The following ABCA12 variants were observed in gnomAD, a reference collection of about 807,000 sequenced individuals.
ABCA12 encodes the protein glucosylceramide transporter ABCA12.
In ABCA12, 156 loss-of-function variants were observed where a neutral mutation model predicts 293.5. The ratio of observed to expected loss-of-function variants is 0.53; its 90% CI spans 0.47 to 0.61. ABCA12 has a LOEUF of 0.61. Among genes scored for constraint, ABCA12 ranks in the 20% least tolerant of loss-of-function variants. The probability of loss-of-function intolerance (pLI) is 0.00; values close to 1 mark genes in which losing one functional copy is unlikely to be tolerated. For synonymous variants in ABCA12, 1,063 were observed against 1,108.0 expected (o/e 0.96, Z 0.81); for missense variants, 2,797 against 3,090.2 (o/e 0.91, Z 2.25).
At chr2:214,957,271 A>T (rs1189895087) in intron 41 of ABCA12, among the ~76,000 whole-genome samples, 3 of 152,210 alleles carry the variant, frequency 2.0e-5, no homozygotes, top group Non-Finnish European at 4.4e-5. Context: ...CGAACAAAGA[A>T]CTTAGCATTT....
chr2:215,030,163 T>C (rs2049354), intron 9 of ABCA12: 151,854 of 152,340 alleles, frequency 1, 75,688 homozygotes, highest in East Asian at 1. Flanking sequence ...GTCTGTGGCG[T>C]TGACATTATC....
chr2:215,040,882 A>T (rs1176453716), intron 7 of ABCA12, among the ~76,000 whole-genome samples: 3 of 152,172 alleles, frequency 2.0e-5, no homozygotes, highest in Non-Finnish European at 4.4e-5. Context: ...CTTCTACAAA[A>T]AAAAGGGGGG....
At chr2:215,081,489 AAAAGAAAAAG>A (rs1701937108) in intron 2 of ABCA12, among the ~76,000 whole-genome samples, 1 of 98,818 alleles carries the variant, frequency 1.0e-5, no homozygotes, top group African/African-American at 4.8e-5. Flanking sequence ...AAAAAAAAAA[AAAAGAAAAAG>A]AAAAAAGAAA....
At chr2:215,056,766 A>G (rs1369345793) in intron 3 of ABCA12, among the ~76,000 whole-genome samples, 1 of 152,048 alleles carries the variant, frequency 6.6e-6, no homozygotes, top group African/African-American at 2.4e-5. Flanking sequence ...TTTCCCCCCA[A>G]ACAAAGGTAA....
chr2:214,951,763 G>T (rs1256536085), intron 44 of ABCA12, among the ~76,000 whole-genome samples: 1 of 151,986 alleles, frequency 6.6e-6, no homozygotes, highest in Non-Finnish European at 1.5e-5. Flanking sequence ...TCTCAAAAAA[G>T]AATGTTTTTT....
chr2:215,065,400 G>A (rs930944516), intron 2 of ABCA12, among the ~76,000 whole-genome samples: 23 of 149,766 alleles, frequency 1.5e-4, no homozygotes, highest in African/African-American at 5.6e-4. Flanking sequence ...GAGAAAGAGA[G>A]AATGGTAAGA....
At chr2:215,028,715 G>T (rs1031891103) in intron 9 of ABCA12, among the ~76,000 whole-genome samples, 7 of 152,130 alleles carry the variant, frequency 4.6e-5, no homozygotes, top group African/African-American at 7.2e-5. Flanking sequence ...AGTGTGACAG[G>T]TGACAAAACT....
chr2:214,977,040 A>C (rs967920616), intron 33 of ABCA12, among the ~76,000 whole-genome samples: 2 of 152,256 alleles, frequency 1.3e-5, no homozygotes, highest in Non-Finnish European at 2.9e-5. Flanking sequence ...TGCTTAATTT[A>C]AAATGAATTC....
At chr2:215,009,601 G>C (rs1033822306) in intron 18 of ABCA12, among the ~76,000 whole-genome samples, 3 of 152,056 alleles carry the variant, frequency 2.0e-5, no homozygotes, top group African/African-American at 4.8e-5. Flanking sequence ...TATAAAAATG[G>C]ACAGAGATTA....
intron 14 of ABCA12, among the ~76,000 whole-genome samples, chr2:215,016,804 G>A (rs914170284): frequency 1.3e-5 from 2 of 151,888 alleles, no homozygotes; most frequent in African/African-American, 2.4e-5. Flanking sequence ...TAGATAGTGA[G>A]GTATGATTAC....
intron 2 of ABCA12, among the ~76,000 whole-genome samples, chr2:215,096,117 T>C (rs1702245522): frequency 6.6e-6 from 1 of 152,244 alleles, no homozygotes; most frequent in African/African-American, 2.4e-5. Context: ...GCAAGTTACC[T>C]ACTCATAGTA....
At chr2:215,094,477 T>C (rs1702210124) in intron 2 of ABCA12, among the ~76,000 whole-genome samples, 1 of 152,172 alleles carries the variant, frequency 6.6e-6, no homozygotes, top group Non-Finnish European at 1.5e-5. Flanking sequence ...TCAAGGCAAA[T>C]GGTTCTTAGA....
At chr2:215,064,999 G>A (rs1233938645) in intron 2 of ABCA12, among the ~76,000 whole-genome samples, 1 of 151,694 alleles carries the variant, frequency 6.6e-6, no homozygotes, top group Non-Finnish European at 1.5e-5. Context: ...AAAACCAATA[G>A]TGAATGGTAT....
intron 50 of ABCA12, among the ~76,000 whole-genome samples, chr2:214,942,111 G>T (rs1698425604): frequency 6.6e-6 from 1 of 152,056 alleles, no homozygotes; most frequent in East Asian, 1.9e-4. Flanking sequence ...AAGTAAGCAA[G>T]GTCTTGATAA....
intron 1 of ABCA12, 73 bp downstream of exon 1, chr2:215,138,067 A>C: frequency 3.5e-6 from 5 of 1,441,248 alleles, no homozygotes; most frequent in Non-Finnish European, 3.9e-6. Flanking sequence ...TTCACTTCTC[A>C]TTAAGATCAC....
In ABCA12 at chr2:215,064,207, G is replaced by A. The variant is rs1384056841; in HGVS notation, c.176C>T (p.Pro59Leu). ...GAATCCAGTACTAGGAAGGTTTCGAGGTGCGAGGTAACCTAAAATTAAAAA... is the reference window on the plus strand; with the variant it reads ...GAATCCAGTACTAGGAAGGTTTCGAAGTGCGAGGTAACCTAAAATTAAAAA... ...PTAKPTCYLA[P>L]RNLPSTGFFP... is the part of the protein sequence containing the mutation. Residue 59 changes from proline to leucine, a missense_variant, in exon 3 of 53, where the codon CCT (proline) becomes CTT (leucine). By Grantham distance (98) the Pro-to-Leu change is moderately conservative. Transcript: ENST00000272895. 6.2e-7 allele frequency: 1 copy of A among 1,612,388 alleles called. No individual in the cohort carries two copies. Among genetic ancestry groups the A allele is most frequent in the Non-Finnish European group, 8.5e-7 (1 of 1,178,982 alleles).
chr2:215,068,619 C>T (rs1701679512), intron 2 of ABCA12, among the ~76,000 whole-genome samples: 1 of 152,080 alleles, frequency 6.6e-6, no homozygotes, highest in Non-Finnish European at 1.5e-5. Context: ...ATCTAATCGA[C>T]TTAATTCTTT....
chr2:214,966,814 G>T, intron 39 of ABCA12, 34 bp downstream of exon 39: 1 of 1,580,652 alleles, frequency 6.3e-7, no homozygotes, highest in South Asian at 1.1e-5. Context: ...AACAGAAGTT[G>T]CAATACAGGA....
At chr2:214,951,862 A>G (rs187158389) in intron 44 of ABCA12, among the ~76,000 whole-genome samples, 4 of 152,224 alleles carry the variant, frequency 2.6e-5, no homozygotes, top group Admixed American at 2.6e-4. Flanking sequence ...TGCATAATAC[A>G]GTATTGTTAA....
Sources: allele counts gnomAD v4.1 joint callset (sites outside exome capture counted in the v4.1 genomes callset), GRCh38; gene constraint gnomAD v4.1.1; transcripts MANE v1.5; gene names NCBI Gene and HGNC (gene_info 2026-07-23, HGNC 2026-07-21).